RP1: variants seen among roughly 807,000 people sequenced by gnomAD.
The protein encoded by RP1 is oxygen-regulated protein 1.
In RP1, 16 loss-of-function variants were observed where a neutral mutation model predicts 14.8. That is an observed-to-expected ratio of 1.08 (90% CI 0.73 to 1.65). RP1 has a LOEUF of 1.65. Ranked by LOEUF, RP1 falls within the 40% of genes most tolerant of loss-of-function variation. The pLI is 0.00. For missense variants in RP1, 2,631 were observed against 2,535.0 expected (o/e 1.04, Z -0.81); for synonymous variants, 876 against 883.6 (o/e 0.99, Z 0.15).
At chr8:54,720,147 T>A in exon 16 of RP1, 1 of 1,534,716 alleles carries the variant, frequency 6.5e-7, no homozygotes, top group Non-Finnish European at 8.7e-7. Context: ...AGATGTTGAC[T>A]GTCATTTTAA....
chr8:54,699,636 G>C, intron 13 of RP1: 1 of 731,448 alleles, frequency 1.4e-6, no homozygotes, highest in Non-Finnish European at 1.9e-6. Flanking sequence ...TTTTGTATAA[G>C]ATACATTTAT....
At chr8:54,869,289 A>C (rs796509972) in intron 28 of RP1, among the ~76,000 whole-genome samples, 1 of 152,230 alleles carries the variant, frequency 6.6e-6, no homozygotes, top group South Asian at 2.1e-4. Flanking sequence ...TAGGTATAAG[A>C]TACATTCCAG....
At chr8:54,704,894 C>T (rs1808112987) in intron 14 of RP1, among the ~76,000 whole-genome samples, 1 of 152,172 alleles carries the variant, frequency 6.6e-6, no homozygotes, top group Non-Finnish European at 1.5e-5. Flanking sequence ...TAATCTCTCT[C>T]TTTTCCCACT....
chr8:54,714,515 C>A (rs1206316515), intron 15 of RP1, among the ~76,000 whole-genome samples: 6 of 152,188 alleles, frequency 3.9e-5, no homozygotes, highest in South Asian at 2.1e-4. Flanking sequence ...TATGTGTCAC[C>A]CACCCAGGAA....
intron 19 of RP1, chr8:54,739,144 C>A: frequency 1.6e-6 from 1 of 613,810 alleles, no homozygotes; most frequent in Non-Finnish European, 2.7e-6. Context: ...CCTTGACTTA[C>A]AGTGGGGTTA....
chr8:54,820,718 A>T (rs1811235744), intron 24 of RP1, among the ~76,000 whole-genome samples: 1 of 152,054 alleles, frequency 6.6e-6, no homozygotes. Context: ...CCCTGATATG[A>T]TCTTAAAACC....
chr8:54,621,961 C>A (rs1413855965), intron 2 of RP1, among the ~76,000 whole-genome samples, 156 bp from the exon 3 acceptor site: 1 of 152,130 alleles, frequency 6.6e-6, no homozygotes, highest in Non-Finnish European at 1.5e-5. Context: ...TTGGTATTTC[C>A]GCTTATTTTG....
intron 24 of RP1, among the ~76,000 whole-genome samples, chr8:54,828,859 CT>C (rs1811449343): frequency 8.4e-6 from 1 of 118,542 alleles, no homozygotes; most frequent in African/African-American, 3.0e-5. Context: ...TCTTCTTCTT[CT>C]TTCTTCTTTC....
At chr8:54,844,985 AC>A (rs1811880037) in intron 25 of RP1, among the ~76,000 whole-genome samples, 1 of 151,984 alleles carries the variant, frequency 6.6e-6, no homozygotes, top group Admixed American at 6.6e-5. Flanking sequence ...TCCCCACCTC[AC>A]CCCTCTTCAG....
upstream of RP1, among the ~76,000 whole-genome samples, chr8:54,611,572 T>G (rs1805592914): frequency 6.6e-6 from 1 of 152,180 alleles, no homozygotes; most frequent in African/African-American, 2.4e-5. Context: ...CTAATAATAT[T>G]CTTATTTTGT....
At chr8:54,849,715 A>T (rs1165925837) in intron 25 of RP1, among the ~76,000 whole-genome samples, 2 of 152,160 alleles carry the variant, frequency 1.3e-5, no homozygotes, top group East Asian at 3.8e-4. Context: ...AGATCATATA[A>T]ATCTTATTTA....
chr8:54,769,924 G>A, exon 23 of RP1: 2 of 632,348 alleles, frequency 3.2e-6, no homozygotes, highest in Non-Finnish European at 5.3e-6. Context: ...TTTTATTATT[G>A]GATTTATAGT....
chr8:54,767,808 C>T (rs934405775), intron 22 of RP1, among the ~76,000 whole-genome samples: 1 of 152,106 alleles, frequency 6.6e-6, no homozygotes, highest in South Asian at 2.1e-4. Flanking sequence ...TAGGGGCTAA[C>T]AAAATGTGCA....
chr8:54,788,972 C>T (rs925951327), intron 24 of RP1, among the ~76,000 whole-genome samples: 1 of 152,208 alleles, frequency 6.6e-6, no homozygotes, highest in Admixed American at 6.5e-5. Context: ...ACCTCTCCCT[C>T]AGGCTGGCAT....
In RP1 at chr8:54,780,348, G is replaced by A. The variant is rs112016066; in HGVS notation, c.3452-3199G>A. 5.3e-5 allele frequency among the ~76,000 whole-genome samples: 8 copies of A among 152,308 alleles called. No homozygotes were observed. In the East Asian group the frequency reaches 1.2e-3, roughly 22 times the overall value. ...CTGCTAGTGAATCATTAGTAAACTC[G>A]GTGTTAGGTAAGACATATAAACTGT... On this transcript the variant is annotated intron_variant, in intron 23 of 28. Transcript: ENST00000637698.
rs182382094 is a variant in RP1 at position 54,859,520 on chromosome 8, C to T, written c.4069+2414C>T. Among the ~76,000 whole-genome samples the T allele has an allele frequency of 7.3e-5, 11 of 150,186 alleles. No homozygotes were observed. In the East Asian group the frequency reaches 2.2e-3, roughly 30 times the overall value. On this transcript the variant is annotated intron_variant, in intron 27 of 28. Coordinates refer to the RP1 transcript ENST00000637698. ...AGTGGTATCAGTATAGGAGGAATCA[C>T]TGTAGGGCATTGTCACTGTAGAGCA...
intron 4 of RP1, among the ~76,000 whole-genome samples, chr8:54,651,733 C>T (rs1345985911): frequency 6.6e-6 from 1 of 151,916 alleles, no homozygotes; most frequent in Non-Finnish European, 1.5e-5. Flanking sequence ...TTTATATTCT[C>T]CCTTTTGTTT....
intron 26 of RP1, among the ~76,000 whole-genome samples, chr8:54,853,651 T>A (rs1260188997): frequency 6.6e-6 from 1 of 150,694 alleles, no homozygotes; most frequent in Non-Finnish European, 1.5e-5. Context: ...TGGAAAAAAA[T>A]TTAAAACATA....
chr8:54,696,372 A>T (rs1481620581), intron 12 of RP1: 4 of 592,080 alleles, frequency 6.8e-6, no homozygotes, highest in Admixed American at 6.2e-5. Flanking sequence ...ATTTTAGAAA[A>T]TCTAACTTTG....
Sources: allele counts gnomAD v4.1 joint callset (sites outside exome capture counted in the v4.1 genomes callset), GRCh38; gene constraint gnomAD v4.1.1; transcripts MANE v1.5; gene names NCBI Gene and HGNC (gene_info 2026-07-23, HGNC 2026-07-21).